Variants in ZDHHC20 observed in about 807,000 individuals in gnomAD.
The protein encoded by ZDHHC20 is palmitoyltransferase ZDHHC20.
In ZDHHC20, 43 loss-of-function variants were observed where a neutral mutation model predicts 57.8. The observed-to-expected ratio is 0.74, with a 90% CI of 0.58 to 0.96. ZDHHC20 has a LOEUF of 0.96. ZDHHC20 is among the 40% of genes least tolerant of loss of function. The pLI is 0.00. For missense variants in ZDHHC20, 391 were observed against 441.1 expected (o/e 0.89, Z 1.02); for synonymous variants, 157 against 153.0 (o/e 1.03, Z -0.19).
intron 8 of ZDHHC20, among the ~76,000 whole-genome samples, chr13:21,387,851 T>C (rs1874857136): frequency 1.3e-5 from 2 of 152,074 alleles, no homozygotes; most frequent in South Asian, 4.1e-4. Context: ...TAAAGTAACA[T>C]GTCAAAATAA....
chr13:21,382,682 T>TTAACTAATTAACTATTAAC (rs1343845471), intron 10 of ZDHHC20, among the ~76,000 whole-genome samples: 33 of 152,212 alleles, frequency 2.2e-4, no homozygotes, highest in Admixed American at 2.1e-3. Flanking sequence ...GGTTTAACTA[T>TTAACTAATTAACTATTAAC]TAATAAACAA....
intron 1 of ZDHHC20, among the ~76,000 whole-genome samples, chr13:21,431,576 G>A (rs1354237665): frequency 6.6e-6 from 1 of 152,196 alleles, no homozygotes; most frequent in East Asian, 1.9e-4. Context: ...GCTGTATTTG[G>A]CACAAAGTGT....
intron 1 of ZDHHC20, among the ~76,000 whole-genome samples, chr13:21,446,333 T>C (rs1040761755): frequency 1.3e-5 from 2 of 152,248 alleles, no homozygotes; most frequent in Non-Finnish European, 2.9e-5. Context: ...ACATACACTG[T>C]TAATATTTTG....
At chr13:21,387,668 A>G (rs1360803278) in intron 8 of ZDHHC20, 34 bp from the exon 9 acceptor site, 2 of 1,284,662 alleles carry the variant, frequency 1.6e-6, no homozygotes, top group African/African-American at 3.1e-5. Flanking sequence ...AAACTAATTA[A>G]TCTATTTAAA....
intron 1 of ZDHHC20, among the ~76,000 whole-genome samples, chr13:21,441,765 A>T (rs1883198178): frequency 6.6e-6 from 1 of 151,578 alleles, no homozygotes; most frequent in East Asian, 1.9e-4. Flanking sequence ...TTTGTTGCTA[A>T]TTTTTTTATT....
chr13:21,452,169 C>A (rs1267144280), intron 1 of ZDHHC20, among the ~76,000 whole-genome samples: 1 of 151,940 alleles, frequency 6.6e-6, no homozygotes, highest in African/African-American at 2.4e-5. Flanking sequence ...TTGGAGACAA[C>A]ATGGATTAGT....
intron 7 of ZDHHC20, among the ~76,000 whole-genome samples, chr13:21,397,180 A>T (rs1274789632): frequency 6.6e-6 from 1 of 152,100 alleles, no homozygotes; most frequent in Non-Finnish European, 1.5e-5. Flanking sequence ...GGATCACCTG[A>T]GGTCAGGAGT....
At chr13:21,441,421 T>C in intron 1 of ZDHHC20, among the ~76,000 whole-genome samples, 1 of 151,416 alleles carries the variant, frequency 6.6e-6, no homozygotes, top group Non-Finnish European at 1.5e-5. Context: ...AGTCTAGCAC[T>C]GTCGCCCAGG....
intron 12 of ZDHHC20, 68 bp from the exon 13 acceptor site, chr13:21,376,723 G>T: frequency 9.6e-7 from 1 of 1,043,048 alleles, no homozygotes; most frequent in Non-Finnish European, 1.4e-6. Flanking sequence ...TTACTAAATG[G>T]TTCTGTGGGC....
At chr13:21,438,371 C>T (rs1882769965) in intron 1 of ZDHHC20, among the ~76,000 whole-genome samples, 1 of 152,152 alleles carries the variant, frequency 6.6e-6, no homozygotes, top group African/African-American at 2.4e-5. Flanking sequence ...AACAGGACTA[C>T]AGAAGAAGCT....
chr13:21,381,252 C>T (rs950164519), intron 11 of ZDHHC20, among the ~76,000 whole-genome samples, 182 bp downstream of exon 11: 4 of 152,030 alleles, frequency 2.6e-5, no homozygotes, highest in Non-Finnish European at 5.9e-5. Flanking sequence ...GTGATCCACC[C>T]GCCTCGGCAT....
At chr13:21,442,272 G>A (rs1883253574) in intron 1 of ZDHHC20, among the ~76,000 whole-genome samples, 1 of 151,900 alleles carries the variant, frequency 6.6e-6, no homozygotes, top group Non-Finnish European at 1.5e-5. Flanking sequence ...CGTGATTTCA[G>A]GTTCTTGGCT....
At chr13:21,379,289 T>C (rs1314892744) in intron 11 of ZDHHC20, among the ~76,000 whole-genome samples, 2 of 145,670 alleles carry the variant, frequency 1.4e-5, no homozygotes, top group Non-Finnish European at 3.0e-5. Context: ...TTCTTTTTCC[T>C]TTTTTTTTTT....
chr13:21,458,146 C>T (rs1454781879), intron 1 of ZDHHC20, among the ~76,000 whole-genome samples: 1 of 152,180 alleles, frequency 6.6e-6, no homozygotes, highest in Non-Finnish European at 1.5e-5. Context: ...GCAGTCACCC[C>T]TAAACAGTGT....
chr13:21,420,709 G>T (rs745700187), intron 3 of ZDHHC20, among the ~76,000 whole-genome samples: 20 of 152,216 alleles, frequency 1.3e-4, no homozygotes, highest in Non-Finnish European at 2.4e-4. Context: ...ATCTGTTCAT[G>T]CCTGAGAAAA....
intron 1 of ZDHHC20, among the ~76,000 whole-genome samples, chr13:21,436,498 C>G (rs1882558623): frequency 6.6e-6 from 1 of 152,164 alleles, no homozygotes; most frequent in Admixed American, 6.5e-5. Context: ...TTTTCATTAT[C>G]ATAATATCTG....
intron 1 of ZDHHC20, among the ~76,000 whole-genome samples, chr13:21,432,558 T>G (rs548242012): frequency 1.4e-4 from 21 of 152,262 alleles, no homozygotes; most frequent in African/African-American, 4.1e-4. Context: ...GGTCTGGATC[T>G]CCTGACCTCG....
chr13:21,441,194 T>C (rs996775050), intron 1 of ZDHHC20, among the ~76,000 whole-genome samples: 4 of 152,224 alleles, frequency 2.6e-5, no homozygotes, highest in African/African-American at 4.8e-5. Context: ...ACTGGCATCT[T>C]TGTAATGTTG....
chr13:21,389,522 T>C lies in ZDHHC20; in HGVS notation c.728-1888A>G, dbSNP rs530406136. 2.5e-4 allele frequency among the ~76,000 whole-genome samples: 38 copies of C among 152,310 alleles called. No homozygotes were observed. In the South Asian group the frequency reaches 7.7e-3, roughly 31 times the overall value. On this transcript the variant is annotated intron_variant, in intron 8 of 12. Coordinates refer to ENST00000400590, the MANE Select transcript of ZDHHC20 (RefSeq NM_001330059.2). ...ATATAATTTTATAAATATTTGTGCA[T>C]GTTCTAAGTCATGATATGAAATGCT...
Sources: allele counts gnomAD v4.1 joint callset (sites outside exome capture counted in the v4.1 genomes callset), GRCh38; gene constraint gnomAD v4.1.1; transcripts MANE v1.5; gene names NCBI Gene and HGNC (gene_info 2026-07-23, HGNC 2026-07-21).